Variants in AKAP6 observed in about 807,000 individuals in gnomAD.
The protein encoded by AKAP6 is A-kinase anchor protein 6.
In AKAP6, 58 loss-of-function variants were observed where a neutral mutation model predicts 188.5. That is an observed-to-expected ratio of 0.31 (90% CI 0.25 to 0.38). The LOEUF (loss-of-function observed/expected upper bound fraction) is 0.38. AKAP6 is among the 10% of genes least tolerant of loss of function. The pLI is 1.00. For missense variants in AKAP6, 2,710 were observed against 2,740.0 expected (o/e 0.99, Z 0.24); for synonymous variants, 989 against 998.6 (o/e 0.99, Z 0.18).
intron 1 of AKAP6, among the ~76,000 whole-genome samples, chr14:32,417,003 G>A (rs181299597): frequency 4.7e-4 from 72 of 152,220 alleles, no homozygotes; most frequent in Non-Finnish European, 1.5e-5. Flanking sequence ...ACTGCAACCA[G>A]ATAATTTTTT....
intron 4 of AKAP6, among the ~76,000 whole-genome samples, chr14:32,557,086 G>T (rs1263022649): frequency 4.6e-5 from 7 of 151,718 alleles, no homozygotes; most frequent in Non-Finnish European, 1.0e-4. Context: ...GTTCTTGTTG[G>T]TTTGTTTTTG....
At chr14:32,470,481 T>C (rs1035027436) in intron 2 of AKAP6, among the ~76,000 whole-genome samples, 1 of 152,234 alleles carries the variant, frequency 6.6e-6, no homozygotes, top group Non-Finnish European at 1.5e-5. Flanking sequence ...ATTGTATCAC[T>C]GCTGTCGTTA....
intron 1 of AKAP6, among the ~76,000 whole-genome samples, chr14:32,397,954 A>G (rs1456276112): frequency 6.6e-6 from 1 of 152,164 alleles, no homozygotes; most frequent in Admixed American, 6.5e-5. Context: ...ACTATCCACA[A>G]AATAAATCTC....
intron 1 of AKAP6, chr14:32,403,487 T>G (rs1428966772): frequency 6.6e-6 from 1 of 152,248 alleles, no homozygotes; most frequent in Non-Finnish European, 1.5e-5. Context: ...GACTGCGTTC[T>G]GAAGTTCTGG....
intron 9 of AKAP6, among the ~76,000 whole-genome samples, chr14:32,725,009 A>AAAAAAAAAC (rs2030786416): frequency 6.7e-6 from 1 of 149,882 alleles, no homozygotes; most frequent in Non-Finnish European, 1.5e-5. Flanking sequence ...AAAAAAAAAA[A>AAAAAAAAAC]AAAAAAAACA....
At chr14:32,502,626 C>A (rs1349872330) in intron 2 of AKAP6, among the ~76,000 whole-genome samples, 1 of 152,112 alleles carries the variant, frequency 6.6e-6, no homozygotes, top group African/African-American at 2.4e-5. Flanking sequence ...TCTCTTCTTG[C>A]ATATTCTTCT....
chr14:32,488,342 C>T (rs1049402006), intron 2 of AKAP6, among the ~76,000 whole-genome samples: 3 of 152,148 alleles, frequency 2.0e-5, no homozygotes, highest in Non-Finnish European at 4.4e-5. Flanking sequence ...GGGAAAACTG[C>T]CTACTCAAGC....
At chr14:32,793,685 A>G (rs1022018227) in intron 12 of AKAP6, among the ~76,000 whole-genome samples, 1 of 152,142 alleles carries the variant, frequency 6.6e-6, no homozygotes, top group East Asian at 1.9e-4. Flanking sequence ...CCTCATAGAT[A>G]TCTACAGAAC....
chr14:32,605,198 CTGAT>C (rs1317009680), intron 7 of AKAP6, among the ~76,000 whole-genome samples: 3 of 152,056 alleles, frequency 2.0e-5, no homozygotes, highest in African/African-American at 7.2e-5. Flanking sequence ...GATAAATACT[CTGAT>C]AGAGATAGGA....
chr14:32,784,483 G>C (rs996151450), intron 12 of AKAP6, among the ~76,000 whole-genome samples: 3 of 152,152 alleles, frequency 2.0e-5, no homozygotes, highest in Non-Finnish European at 4.4e-5. Flanking sequence ...GTTATACATT[G>C]TGAGGAGACA....
chr14:32,572,783 A>G (rs1412719254), intron 4 of AKAP6, among the ~76,000 whole-genome samples: 1 of 152,180 alleles, frequency 6.6e-6, no homozygotes, highest in Admixed American at 6.5e-5. Context: ...AAAGAGATTG[A>G]TGTTTTAGAA....
intron 2 of AKAP6, chr14:32,439,112 C>T (rs140421536): frequency 5.3e-5 from 8 of 152,272 alleles, no homozygotes; most frequent in African/African-American, 1.9e-4. Flanking sequence ...ACATGACTCT[C>T]AAAGTTAGAG....
intron 2 of AKAP6, among the ~76,000 whole-genome samples, chr14:32,467,221 A>G (rs115588736): frequency 1.4e-5 from 1 of 71,822 alleles, no homozygotes; most frequent in Non-Finnish European, 4.7e-5. Context: ...GGAAAAAAAA[A>G]CAAAAACAAA....
rs118161455 is a variant in AKAP6, at chr14:32,721,349, G to A, written c.3001-11105G>A. Among the ~76,000 whole-genome samples, 765 of 152,248 alleles carry A rather than the reference G, an allele frequency of 5.0e-3. 1 individual carries two copies. The highest frequency in any genetic ancestry group is 8.7e-3 in the Non-Finnish European group (593 of 68,022). ...AAAATGCACATCTTCGATATCTACC[G>A]AAGAAAGTCTGTATTGATGAAGGAA... On this transcript the variant is annotated intron_variant, in intron 9 of 13. Transcript: ENST00000280979.
intron 11 of AKAP6, among the ~76,000 whole-genome samples, chr14:32,748,556 T>G (rs940689773): frequency 6.6e-6 from 1 of 152,206 alleles, no homozygotes; most frequent in Non-Finnish European, 1.5e-5. Context: ...GCAAATTCCT[T>G]GGGGTTTCAC....
intron 7 of AKAP6, among the ~76,000 whole-genome samples, chr14:32,653,271 G>C: frequency 6.6e-6 from 1 of 151,998 alleles, no homozygotes; most frequent in East Asian, 1.9e-4. Context: ...ATATAGTTTG[G>C]ATTTATGTGT....
At chr14:32,652,776 G>T (rs553668441) in intron 7 of AKAP6, among the ~76,000 whole-genome samples, 7 of 152,286 alleles carry the variant, frequency 4.6e-5, no homozygotes, top group Admixed American at 1.3e-4. Flanking sequence ...TCATTAGAGT[G>T]GTGCAGTGGC....
intron 7 of AKAP6, among the ~76,000 whole-genome samples, chr14:32,674,191 G>A (rs572995583): frequency 3.7e-4 from 57 of 152,312 alleles, no homozygotes; most frequent in African/African-American, 1.3e-3. Flanking sequence ...AAGGATGACA[G>A]GGGCATGGTG....
At chr14:32,680,860 T>A (rs17099431) in intron 8 of AKAP6, among the ~76,000 whole-genome samples, 3,232 of 152,282 alleles carry the variant, frequency 0.021, 91 homozygotes, top group African/African-American at 0.074. Context: ...TGGTTAGCAG[T>A]TATGAATATA....
Sources: gnomAD v4.1 joint callset for allele counts (sites outside exome capture counted in the v4.1 genomes callset) on GRCh38, gnomAD v4.1.1 for gene constraint, MANE v1.5 for transcripts, NCBI Gene and HGNC (gene_info 2026-07-23, HGNC 2026-07-21) for gene names.